The following CHIC2 variants were observed in gnomAD, a reference collection of about 807,000 sequenced individuals.
CHIC2 encodes the protein cysteine rich hydrophobic domain 2.
CHIC2 carries 14 observed loss-of-function variants against 25.9 expected under a neutral mutation model. That is an observed-to-expected ratio of 0.54 (90% CI 0.36 to 0.85). The LOEUF (loss-of-function observed/expected upper bound fraction) is 0.85, where lower values mean the gene tolerates loss of function less well. Ranked by LOEUF, CHIC2 falls within the 40% of genes least tolerant of loss-of-function variation. The pLI is 0.01. For missense variants in CHIC2, 146 were observed against 202.0 expected, an observed-to-expected ratio of 0.72 and a Z score of 1.68; for synonymous variants, 70 against 72.0, an observed-to-expected ratio of 0.97 and a Z score of 0.14.
At chr4:54,032,154 C>A (rs1177317545) in intron 3 of CHIC2, among the ~76,000 whole-genome samples, 1 of 152,048 alleles carries the variant, frequency 6.6e-6, no homozygotes, top group Non-Finnish European at 1.5e-5. Context: ...CATATAGGGA[C>A]CACTTTTAGA....
chr4:54,082,372 C>T, the CHIC2 span, among the ~76,000 whole-genome samples: 2 of 152,228 alleles, frequency 1.3e-5, no homozygotes, highest in African/African-American at 2.4e-5. Flanking sequence ...CATCTGGCTG[C>T]TCCACTGTAT....
chr4:54,049,533 T>C (rs745634054), intron 1 of CHIC2, among the ~76,000 whole-genome samples: 1 of 152,184 alleles, frequency 6.6e-6, no homozygotes, highest in Non-Finnish European at 1.5e-5. Context: ...GGGCTGAATG[T>C]TAATTAACCA....
chr4:54,055,491 G>A (rs1717146962), intron 1 of CHIC2, among the ~76,000 whole-genome samples: 2 of 152,206 alleles, frequency 1.3e-5, no homozygotes, highest in African/African-American at 4.8e-5. Flanking sequence ...GAAGGCTGCC[G>A]TTGAAGCTGA....
At chr4:54,036,222 T>C (rs1716379825) in intron 3 of CHIC2, among the ~76,000 whole-genome samples, 1 of 152,230 alleles carries the variant, frequency 6.6e-6, no homozygotes, top group Non-Finnish European at 1.5e-5. Context: ...GGCTGACATC[T>C]GTAGGGATTT....
At chr4:54,013,704 G>A (rs1487458310) in intron 5 of CHIC2, 133 bp downstream of exon 5, 19 of 777,532 alleles carry the variant, frequency 2.4e-5, no homozygotes, top group East Asian at 1.5e-4. Context: ...TCTGTGAACC[G>A]TAGAAAATCC....
chr4:54,085,851 C>G, the CHIC2 span, among the ~76,000 whole-genome samples: 3 of 151,812 alleles, frequency 2.0e-5, no homozygotes, highest in African/African-American at 7.3e-5. Flanking sequence ...TGTCTCCCAC[C>G]AAAAACAAAA....
intron 3 of CHIC2, among the ~76,000 whole-genome samples, chr4:54,046,925 TCTACA>T (rs1255172475): frequency 2.0e-5 from 3 of 152,124 alleles, no homozygotes; most frequent in Non-Finnish European, 4.4e-5. Context: ...ATATCCAGAA[TCTACA>T]ATGAACTCAA....
At chr4:54,086,951 A>G in the CHIC2 span, 1 of 704,058 alleles carries the variant, frequency 1.4e-6, no homozygotes, top group Non-Finnish European at 2.6e-6. Context: ...CCGGGTTCTC[A>G]ATCTCATGGA....
chr4:54,022,207 G>A (rs1715920204), intron 3 of CHIC2, among the ~76,000 whole-genome samples: 1 of 152,114 alleles, frequency 6.6e-6, no homozygotes, highest in African/African-American at 2.4e-5. Context: ...GCCACTCCCA[G>A]AGCCCCTGGA....
At chr4:54,046,618 C>G (rs1047011464) in intron 3 of CHIC2, among the ~76,000 whole-genome samples, 14 of 152,134 alleles carry the variant, frequency 9.2e-5, no homozygotes, top group Admixed American at 7.9e-4. Flanking sequence ...GAAACTGGAT[C>G]CCTTCCTTAC....
At chr4:54,069,323 C>T (rs533980458), upstream of CHIC2, among the ~76,000 whole-genome samples, 1 of 152,306 alleles carries the variant, frequency 6.6e-6, no homozygotes, top group Non-Finnish European at 1.5e-5. Context: ...GCCACCACAC[C>T]CAGCCAAGAA....
At chr4:54,011,552 T>A (rs1035080128) in intron 5 of CHIC2, among the ~76,000 whole-genome samples, 2 of 152,146 alleles carry the variant, frequency 1.3e-5, no homozygotes, top group Admixed American at 1.3e-4. Flanking sequence ...CAACATTAAA[T>A]AAATAATTTT....
intron 1 of CHIC2, among the ~76,000 whole-genome samples, chr4:54,050,781 T>C (rs1021368635): frequency 3.3e-5 from 5 of 152,076 alleles, no homozygotes; most frequent in African/African-American, 1.2e-4. Context: ...CCATTTTAAG[T>C]TTGTATACAC....
chr4:54,074,506 T>G, the CHIC2 span, among the ~76,000 whole-genome samples: 1 of 151,930 alleles, frequency 6.6e-6, no homozygotes, highest in African/African-American at 2.4e-5. Flanking sequence ...TCTCACTTAA[T>G]TGAGATTAGG....
intron 3 of CHIC2, among the ~76,000 whole-genome samples, chr4:54,038,801 C>T (rs192175771): frequency 6.6e-6 from 1 of 152,162 alleles, no homozygotes; most frequent in East Asian, 1.9e-4. Context: ...ATGAGAGAAT[C>T]GCTTGAGCCC....
chr4:54,038,058 A>C (rs1716447221), intron 3 of CHIC2, among the ~76,000 whole-genome samples: 3 of 152,188 alleles, frequency 2.0e-5, no homozygotes. Flanking sequence ...CAGAAAAACA[A>C]CACAGAAAAT....
intron 3 of CHIC2, among the ~76,000 whole-genome samples, chr4:54,045,416 C>G (rs1194835076): frequency 2.0e-5 from 3 of 152,110 alleles, no homozygotes; most frequent in Non-Finnish European, 2.9e-5. Flanking sequence ...TACTGGCAAA[C>G]CAAATCCAGC....
chr4:54,078,856 A>C, the CHIC2 span, among the ~76,000 whole-genome samples: 1 of 152,068 alleles, frequency 6.6e-6, no homozygotes. Flanking sequence ...GTTTTCCTAC[A>C]TGACATTAAA....
At position 54,013,853 on chromosome 4, in the gene CHIC2, T is replaced by C. The variant is rs749065265; in HGVS notation, c.431A>G (p.Asn144Ser). 6 of 1,613,270 alleles carry C rather than the reference T, an allele frequency of 3.7e-6. No individual in the cohort carries two copies. In the African/African-American group the frequency reaches 4.0e-5, roughly 11 times the overall value. Residue 144 changes from asparagine to serine, a missense_variant, in exon 5 of 6, where the codon AAT becomes AGT. Asn to Ser is a conservative substitution (Grantham distance 46). Coordinates refer to ENST00000263921, the MANE Select transcript of CHIC2 (RefSeq NM_012110.4). ...WRLSKRKCET[N>S]NMMEYVILIE... is the part of the protein sequence containing the mutation. Reference sequence around the variant, plus strand: ...TTAACTTACATATTCCATCATGTTATTCGTTTCACATTTCCTTTTGCTCAG... The same window carrying C: ...TTAACTTACATATTCCATCATGTTACTCGTTTCACATTTCCTTTTGCTCAG...
Sources: gnomAD v4.1 joint callset for allele counts (sites outside exome capture counted in the v4.1 genomes callset) on GRCh38, gnomAD v4.1.1 for gene constraint, MANE v1.5 for transcripts, NCBI Gene and HGNC (gene_info 2026-07-23, HGNC 2026-07-21) for gene names.